The following PHLPP1 variants were observed in gnomAD, a reference collection of about 807,000 sequenced individuals.
PHLPP1 encodes PH domain and leucine rich repeat protein phosphatase 1.
A neutral mutation model predicts 117.2 loss-of-function variants in PHLPP1; 42 were observed. The observed-to-expected ratio is 0.36, with a 90% CI of 0.28 to 0.46. The LOEUF is 0.46. Among genes scored for constraint, PHLPP1 ranks in the 20% least tolerant of loss-of-function variants. PHLPP1 has a pLI of 1.00. For synonymous variants in PHLPP1, 1,042 were observed against 970.7 expected (o/e 1.07, Z -1.37); for missense variants, 2,084 against 2,241.9 (o/e 0.93, Z 1.42).
intron 4 of PHLPP1, among the ~76,000 whole-genome samples, chr18:62,875,274 T>A (rs1423948004): frequency 6.6e-6 from 1 of 152,144 alleles, no homozygotes; most frequent in African/African-American, 2.4e-5. Context: ...TTAATGTGAT[T>A]TTTATCATAT....
At chr18:62,936,912 T>C (rs1909986307) in intron 10 of PHLPP1, among the ~76,000 whole-genome samples, 1 of 152,164 alleles carries the variant, frequency 6.6e-6, no homozygotes. Flanking sequence ...ACTTGGAATG[T>C]TTACACTTCT....
intron 1 of PHLPP1, among the ~76,000 whole-genome samples, chr18:62,829,119 G>A (rs970645941): frequency 1.3e-4 from 20 of 152,024 alleles, no homozygotes; most frequent in African/African-American, 2.2e-4. Flanking sequence ...TTATTTCTCT[G>A]TCTCTGTGCT....
At chr18:62,813,930 G>C (rs1288601756) in intron 1 of PHLPP1, among the ~76,000 whole-genome samples, 1 of 151,308 alleles carries the variant, frequency 6.6e-6, no homozygotes, top group Non-Finnish European at 1.5e-5. Context: ...TTTTACTATA[G>C]TTTATGTGAG....
At chr18:62,795,340 T>G (rs2144294325) in intron 1 of PHLPP1, among the ~76,000 whole-genome samples, 1 of 149,716 alleles carries the variant, frequency 6.7e-6, no homozygotes, top group Admixed American at 6.6e-5. Context: ...TAGCTGGGAG[T>G]GGTGGCGTGC....
At chr18:62,917,378 G>T (rs969818652) in intron 9 of PHLPP1, among the ~76,000 whole-genome samples, 2 of 138,812 alleles carry the variant, frequency 1.4e-5, no homozygotes, top group African/African-American at 5.4e-5. Flanking sequence ...TATTGTTAAA[G>T]AATTTAAACA....
At chr18:62,739,361 G>A (rs1481273507) in intron 1 of PHLPP1, among the ~76,000 whole-genome samples, 1 of 152,212 alleles carries the variant, frequency 6.6e-6, no homozygotes, top group African/African-American at 2.4e-5. Context: ...TTTTGGTGAC[G>A]TATTGTAGTG....
At chr18:62,902,750 A>C (rs1198568007) in intron 6 of PHLPP1, among the ~76,000 whole-genome samples, 1 of 152,186 alleles carries the variant, frequency 6.6e-6, no homozygotes, top group African/African-American at 2.4e-5. Context: ...CTTGTGTTTC[A>C]GAATATATTG....
At chr18:62,919,219 G>A (rs889888064) in intron 9 of PHLPP1, among the ~76,000 whole-genome samples, 8 of 152,168 alleles carry the variant, frequency 5.3e-5, no homozygotes, top group African/African-American at 1.9e-4. Flanking sequence ...TGTTGGAGAA[G>A]TCTGAAGTGG....
chr18:62,766,076 A>AAAAAAAAAAAT, intron 1 of PHLPP1, among the ~76,000 whole-genome samples: 5 of 21,646 alleles, frequency 2.3e-4, no homozygotes, highest in African/African-American at 3.0e-4. Context: ...AAAAAAAAAA[A>AAAAAAAAAAAT]ATATATATAT....
At chr18:62,929,775 C>T (rs908110143) in intron 10 of PHLPP1, among the ~76,000 whole-genome samples, 2 of 152,078 alleles carry the variant, frequency 1.3e-5, no homozygotes, top group African/African-American at 2.4e-5. Flanking sequence ...TAGCAAGACC[C>T]TGTCTCTACA....
intron 8 of PHLPP1, among the ~76,000 whole-genome samples, chr18:62,912,182 TG>T (rs71340129): frequency 6.9e-6 from 1 of 143,950 alleles, no homozygotes; most frequent in East Asian, 2.1e-4. Context: ...GGGATAGCAT[TG>T]GGAGATATAC....
In PHLPP1 at chr18:62,948,635, TC is replaced by T. The variant is rs1241761229; in HGVS notation, c.3324+3366del. Among the ~76,000 whole-genome samples the T allele has an allele frequency of 1.2e-4, 18 of 152,152 alleles. No individual in the cohort carries two copies. In the South Asian group the frequency reaches 3.7e-3, roughly 32 times the overall value. ...CAATATCCATTCTTTCAGGCTGAGC[TC>T]CTCCATTACCAGTAGATAGAAGTTT... On this transcript the variant is annotated intron_variant, in intron 12 of 16. Transcript: ENST00000262719.
chr18:62,727,140 A>C, intron 1 of PHLPP1, among the ~76,000 whole-genome samples: 1 of 151,348 alleles, frequency 6.6e-6, no homozygotes, highest in East Asian at 2.0e-4. Flanking sequence ...AGTCAGAAGA[A>C]TCACTTGAAC....
intron 11 of PHLPP1, 132 bp downstream of exon 11, chr18:62,942,050 T>C (rs1315428392): frequency 3.0e-6 from 2 of 669,076 alleles, no homozygotes; most frequent in Non-Finnish European, 5.0e-6. Flanking sequence ...CTTCACAGTT[T>C]CCTTTATGTA....
Position 62,715,637 on chromosome 18 carries a change from C to A in PHLPP1, c.-47C>A. The A allele has an allele frequency of 8.1e-7, 1 of 1,236,742 alleles. No individual in the cohort carries two copies. The highest frequency in any genetic ancestry group is 3.2e-5 in the South Asian group (1 of 31,400). 76.6% of individuals were successfully genotyped at this position (1,236,742 alleles called of 1,614,324 possible). A position where few individuals can be genotyped will look rare whatever the true frequency, so the allele number is the denominator to read the frequency against. Reference sequence around the variant, plus strand: ...ACCTCCGCCTCATCGCCTCCCTCTCCGCCCGCTGCCTCCGGAGCTGGGGGG... The same window carrying A: ...ACCTCCGCCTCATCGCCTCCCTCTCAGCCCGCTGCCTCCGGAGCTGGGGGG... On this transcript the variant is annotated 5_prime_UTR_variant, in exon 1 of 17. Transcript: ENST00000262719.
intron 12 of PHLPP1, among the ~76,000 whole-genome samples, chr18:62,949,781 G>A (rs956334208): frequency 9.2e-5 from 14 of 152,134 alleles, no homozygotes; most frequent in African/African-American, 3.1e-4. Flanking sequence ...TCACACAGAC[G>A]CCAGACTTGG....
intron 4 of PHLPP1, among the ~76,000 whole-genome samples, chr18:62,866,348 G>A (rs1045936906): frequency 3.3e-5 from 5 of 151,674 alleles, no homozygotes; most frequent in East Asian, 3.9e-4. Flanking sequence ...AGGTTCAAGC[G>A]ATTCTCCTGC....
intron 1 of PHLPP1, among the ~76,000 whole-genome samples, chr18:62,722,328 T>G (rs1415657936): frequency 2.0e-5 from 3 of 152,190 alleles, no homozygotes; most frequent in African/African-American, 4.8e-5. Flanking sequence ...TGCCAGGGTT[T>G]AACATAATTC....
intron 1 of PHLPP1, among the ~76,000 whole-genome samples, chr18:62,747,428 C>G (rs1911711046): frequency 6.6e-6 from 1 of 151,870 alleles, no homozygotes; most frequent in South Asian, 2.1e-4. Flanking sequence ...CAGGTGTGAG[C>G]CACAGCGCCC....
Sources: allele counts gnomAD v4.1 joint callset (sites outside exome capture counted in the v4.1 genomes callset), GRCh38; gene constraint gnomAD v4.1.1; transcripts MANE v1.5; gene names NCBI Gene and HGNC (gene_info 2026-07-23, HGNC 2026-07-21).